The following MTAP variants were observed in gnomAD, a reference collection of about 807,000 sequenced individuals.
The protein encoded by MTAP is S-methyl-5'-thioadenosine phosphorylase.
MTAP carries 33 observed loss-of-function variants against 33.6 expected under a neutral mutation model. That is an observed-to-expected ratio of 0.98 (90% CI 0.74 to 1.31). The LOEUF is 1.31. Among genes scored for constraint, MTAP ranks in the 40% most tolerant of loss-of-function variants. MTAP has a pLI of 0.00. For missense variants in MTAP, 367 were observed against 360.0 expected (o/e 1.02, Z -0.16); for synonymous variants, 148 against 125.7 (o/e 1.18, Z -1.19).
intron 1 of MTAP, among the ~76,000 whole-genome samples, chr9:21,874,431 C>T (rs981762443): frequency 6.6e-6 from 1 of 152,122 alleles, no homozygotes. Context: ...CAAGTAAAGT[C>T]TATACATTGC....
chr9:21,913,011 A>G (rs1818606641), intron 1 of MTAP, among the ~76,000 whole-genome samples: 1 of 152,230 alleles, frequency 6.6e-6, no homozygotes, highest in African/African-American at 2.4e-5. Context: ...CCAAATCATG[A>G]GTGAACTCCC....
chr9:21,837,270 G>A (rs1377567809), intron 4 of MTAP, among the ~76,000 whole-genome samples: 1 of 152,196 alleles, frequency 6.6e-6, no homozygotes, highest in African/African-American at 2.4e-5. Flanking sequence ...CTTTATTTCA[G>A]TGGGTCACTG....
At chr9:21,829,214 A>G (rs1446257009) in intron 4 of MTAP, among the ~76,000 whole-genome samples, 3 of 152,106 alleles carry the variant, frequency 2.0e-5, no homozygotes, top group Non-Finnish European at 4.4e-5. Flanking sequence ...CACAGCCCCA[A>G]CTTGTTTAAC....
chr9:21,890,547 C>G (rs1263178013), intron 1 of MTAP, among the ~76,000 whole-genome samples: 3 of 152,216 alleles, frequency 2.0e-5, no homozygotes, highest in Non-Finnish European at 4.4e-5. Context: ...CCGAATTCCA[C>G]TGGCAGCCCT....
At chr9:21,830,895 G>A (rs114807686) in intron 4 of MTAP, among the ~76,000 whole-genome samples, 63 of 152,196 alleles carry the variant, frequency 4.1e-4, no homozygotes, top group African/African-American at 1.4e-3. Context: ...CACACCCACC[G>A]GACTTGTAAA....
chr9:21,940,344 C>T (rs770345780), downstream of MTAP, among the ~76,000 whole-genome samples: 38 of 152,142 alleles, frequency 2.5e-4, no homozygotes, highest in African/African-American at 7.2e-4. Flanking sequence ...CCAAGTGTAA[C>T]GGGACTAGGC....
chr9:21,811,644 A>T, intron 1 of MTAP: 1 of 520,166 alleles, frequency 1.9e-6, no homozygotes, highest in South Asian at 1.4e-5. Context: ...TCCTTGGCTC[A>T]CTCAAACTCT....
At chr9:21,870,101 C>G (rs909541509), downstream of MTAP, among the ~76,000 whole-genome samples, 2 of 152,162 alleles carry the variant, frequency 1.3e-5, no homozygotes, top group African/African-American at 4.8e-5. Flanking sequence ...ACCACCTGGC[C>G]TCACTACAGC....
At chr9:21,814,077 A>G (rs1174820018) in intron 1 of MTAP, among the ~76,000 whole-genome samples, 2 of 152,204 alleles carry the variant, frequency 1.3e-5, no homozygotes, top group East Asian at 1.9e-4. Flanking sequence ...TGGCTTTGCC[A>G]CTTAAGGAAA....
rs2118611679 is a variant in MTAP at position 21,865,856 on chromosome 9, A to G, written c.*3842A>G. On this transcript the variant is annotated 3_prime_UTR_variant, in exon 8 of 8. Transcript: ENST00000644715. Reference sequence around the variant, plus strand: ...GTAGCTTGTGCCTTTTTTATTGCCTAGTAGTATTCTGTCATATGCCTATCT... The same window carrying G: ...GTAGCTTGTGCCTTTTTTATTGCCTGGTAGTATTCTGTCATATGCCTATCT... 1 of 897,842 alleles carries G rather than the reference A, an allele frequency of 1.1e-6. No homozygotes were observed. Among genetic ancestry groups the G allele is most frequent in the Non-Finnish European group, 1.3e-6 (1 of 749,244 alleles). 55.6% of individuals were successfully genotyped at this position (897,842 alleles called of 1,614,324 possible). A position where few individuals can be genotyped will look rare whatever the true frequency, so the allele number is the denominator to read the frequency against.
chr9:21,914,940 A>G (rs1301717650), intron 1 of MTAP, among the ~76,000 whole-genome samples: 1 of 151,496 alleles, frequency 6.6e-6, no homozygotes, highest in Non-Finnish European at 1.5e-5. Flanking sequence ...GGCTTCTTCC[A>G]TCTGACATAA....
At chr9:21,933,695 T>C (rs1371484888), downstream of MTAP, 1 of 152,230 alleles carries the variant, frequency 6.6e-6, no homozygotes, top group Admixed American at 6.5e-5. Flanking sequence ...GATTCAGAAA[T>C]TCTTTATGAA....
At position 21,864,736 on chromosome 9, in the gene MTAP, A is replaced by G. The variant is rs1218353134; in HGVS notation, c.*2722A>G. ...GCACCCTCAGGAGTGGAGGACAGTG[A>G]ACTTCCTTGAAGAGGGAGTGACTAA... On this transcript the variant is annotated 3_prime_UTR_variant, in exon 8 of 8. Transcript: ENST00000644715. 3 of 985,206 alleles carry G rather than the reference A, an allele frequency of 3.0e-6. No individual in the cohort carries two copies. In the African/African-American group the frequency reaches 5.2e-5, roughly 17 times the overall value. 61.0% of individuals were successfully genotyped at this position (985,206 alleles called of 1,614,324 possible).
Position 21,854,793 on chromosome 9 carries a change from G to C in MTAP, c.613G>C (p.Ala205Pro). Residue 205 changes from alanine (A) to proline (P), a missense_variant, in exon 6 of 8, where the codon GCT (alanine) becomes CCT (proline). Physicochemically the swap from Ala to Pro is conservative, Grantham distance 27. Transcript: ENST00000644715. ...NMTTVPEVVLAKEAGICYASI... is the reference protein window; with the variant it reads ...NMTTVPEVVLPKEAGICYASI... ...GACCACAGTTCCAGAGGTGGTTCTT[G>C]CTAAGGAGGCTGGAATTTGTTACGC... is the stretch of plus-strand genomic sequence containing the variant. The C allele has an allele frequency of 1.9e-6, 3 of 1,614,142 alleles. No individual in the cohort carries two copies. Among genetic ancestry groups the C allele is most frequent in the Middle Eastern group, 1.6e-4 (1 of 6,062 alleles).
At chr9:21,939,680 A>G (rs1819102893), downstream of MTAP, among the ~76,000 whole-genome samples, 3 of 151,482 alleles carry the variant, frequency 2.0e-5, no homozygotes, top group East Asian at 5.9e-4. Context: ...CATGGCCAAC[A>G]TGGTGAAACC....
At chr9:21,916,762 G>A (rs921367251) in intron 1 of MTAP, among the ~76,000 whole-genome samples, 5 of 152,042 alleles carry the variant, frequency 3.3e-5, no homozygotes, top group Admixed American at 1.3e-4. Flanking sequence ...AACCTACATC[G>A]CTCCTGGATC....
intron 1 of MTAP, chr9:21,930,231 G>T (rs755871527): frequency 1.2e-4 from 29 of 245,138 alleles, no homozygotes; most frequent in Non-Finnish European, 2.0e-4. Flanking sequence ...AGTGTTAGCA[G>T]GCATGAATGT....
intron 4 of MTAP, among the ~76,000 whole-genome samples, chr9:21,819,655 C>T (rs1587207874): frequency 3.9e-5 from 6 of 152,270 alleles, no homozygotes; most frequent in African/African-American, 1.4e-4. Context: ...GGTATATACC[C>T]AGTAATGGGA....
downstream of MTAP, chr9:21,935,093 G>C (rs1163108712): frequency 6.6e-6 from 1 of 152,010 alleles, no homozygotes; most frequent in Admixed American, 6.6e-5. Context: ...ATGAGATGTT[G>C]ACTAGCTTTG....
Sources: allele counts gnomAD v4.1 joint callset (sites outside exome capture counted in the v4.1 genomes callset), GRCh38; gene constraint gnomAD v4.1.1; transcripts MANE v1.5; gene names NCBI Gene and HGNC (gene_info 2026-07-23, HGNC 2026-07-21).